SLC2A13: variants seen among roughly 807,000 people sequenced by gnomAD.
The protein encoded by SLC2A13 is solute carrier family 2 member 13.
SLC2A13 carries 32 observed loss-of-function variants against 64.4 expected under a neutral mutation model. The ratio of observed to expected loss-of-function variants is 0.50; its 90% CI spans 0.37 to 0.67. SLC2A13 has a LOEUF of 0.67. SLC2A13 is among the 30% of genes least tolerant of loss of function. The pLI, the probability that SLC2A13 is intolerant of heterozygous loss-of-function variation, is 0.00. For missense variants in SLC2A13, 743 were observed against 829.2 expected (o/e 0.90, Z 1.28); for synonymous variants, 338 against 327.1 (o/e 1.03, Z -0.36).
chr12:40,084,107 A>T (rs886745562), intron 1 of SLC2A13, among the ~76,000 whole-genome samples: 2 of 152,232 alleles, frequency 1.3e-5, no homozygotes, highest in Non-Finnish European at 2.9e-5. Context: ...TCTTTAACTG[A>T]TATATTTGAA....
At chr12:40,086,451 A>G (rs1332629133) in intron 1 of SLC2A13, among the ~76,000 whole-genome samples, 4 of 152,224 alleles carry the variant, frequency 2.6e-5, no homozygotes, top group African/African-American at 9.6e-5. Context: ...AGAAAAACAC[A>G]GCAGTAAATC....
chr12:39,847,552 G>T (rs1943351375), intron 6 of SLC2A13, among the ~76,000 whole-genome samples: 1 of 152,032 alleles, frequency 6.6e-6, no homozygotes, highest in South Asian at 2.1e-4. Flanking sequence ...TATGCTGGTA[G>T]AACTCCTGCA....
intron 8 of SLC2A13, 48 bp downstream of exon 8, chr12:39,764,689 A>C: frequency 6.3e-7 from 1 of 1,594,264 alleles, no homozygotes; most frequent in Non-Finnish European, 8.5e-7. Flanking sequence ...TCTACTCCAA[A>C]AAGAGGCAAT....
intron 7 of SLC2A13, among the ~76,000 whole-genome samples, chr12:39,775,358 G>T (rs1940738653): frequency 6.6e-6 from 1 of 152,210 alleles, no homozygotes; most frequent in Admixed American, 6.5e-5. Context: ...GGCAATAGGT[G>T]TATGCAAAAT....
chr12:40,029,183 A>T (rs1412588832), intron 2 of SLC2A13, among the ~76,000 whole-genome samples: 3 of 152,194 alleles, frequency 2.0e-5, no homozygotes, highest in African/African-American at 7.2e-5. Context: ...AAAATTCAAA[A>T]TAGCAAACAA....
chr12:40,045,201 A>C (rs1948152702), intron 2 of SLC2A13, among the ~76,000 whole-genome samples: 1 of 152,136 alleles, frequency 6.6e-6, no homozygotes, highest in South Asian at 2.1e-4. Context: ...CAGAAGCAAT[A>C]AAAGCCAAAA....
At chr12:39,812,377 CTTT>C (rs1335754892) in intron 7 of SLC2A13, among the ~76,000 whole-genome samples, 1 of 117,966 alleles carries the variant, frequency 8.5e-6, no homozygotes, top group Admixed American at 8.3e-5. Flanking sequence ...CTTTTCTTTT[CTTT>C]TCTTTCTTTC....
intron 1 of SLC2A13, among the ~76,000 whole-genome samples, chr12:40,069,295 T>C (rs74088192): frequency 0.017 from 2,544 of 152,224 alleles, 86 homozygotes; most frequent in African/African-American, 0.058. Flanking sequence ...AAAACATGTA[T>C]AGCTTAATGA....
At chr12:40,029,207 ACTCC>A (rs1947868958) in intron 2 of SLC2A13, among the ~76,000 whole-genome samples, 1 of 152,156 alleles carries the variant, frequency 6.6e-6, no homozygotes, top group African/African-American at 2.4e-5. Context: ...TATCATTTTA[ACTCC>A]CTCCAAGAAA....
At chr12:39,957,668 G>C (rs1018842151) in intron 3 of SLC2A13, among the ~76,000 whole-genome samples, 1 of 152,120 alleles carries the variant, frequency 6.6e-6, no homozygotes, top group Non-Finnish European at 1.5e-5. Context: ...AGCATGTCAG[G>C]TCCTGCGTGC....
chr12:39,839,516 C>T lies in SLC2A13; in HGVS notation c.1320-9288G>A, dbSNP rs563003447. 1.2e-4 allele frequency among the ~76,000 whole-genome samples: 18 copies of T among 152,116 alleles called. No homozygotes were observed. In the South Asian group the frequency reaches 2.9e-3, roughly 25 times the overall value. On this transcript the variant is annotated intron_variant, in intron 6 of 9. Coordinates refer to ENST00000280871, the MANE Select transcript of SLC2A13 (RefSeq NM_052885.4). ...GCTGGTGGTTGTCTCATGGGTAACT[C>T]GGAGCACTTTTCCAACATACTATTA...
rs1198648463 is a variant in SLC2A13, at chr12:39,980,484, C to T, written c.926-29119G>A. Among the ~76,000 whole-genome samples, 24 of 151,232 alleles carry T rather than the reference C, an allele frequency of 1.6e-4. 1 individual carries two copies. Among genetic ancestry groups the T allele is most frequent in the African/African-American group, 5.6e-4 (23 of 41,062 alleles). ...AAATAAAAGGATGGAGGAAGATCTA[C>T]CAAGCAAATGGAAAACAAAAAAAGG... On this transcript the variant is annotated intron_variant, in intron 3 of 9. Transcript: ENST00000280871.
At chr12:39,953,235 A>G (rs187701285) in intron 3 of SLC2A13, among the ~76,000 whole-genome samples, 13 of 152,190 alleles carry the variant, frequency 8.5e-5, no homozygotes, top group Non-Finnish European at 1.8e-4. Context: ...GAGATAAGCT[A>G]TTGCATAAAC....
intron 2 of SLC2A13, among the ~76,000 whole-genome samples, chr12:40,043,219 C>A (rs569564928): frequency 6.6e-6 from 1 of 152,176 alleles, no homozygotes; most frequent in East Asian, 1.9e-4. Context: ...AGTTCACTTA[C>A]TATATATTTA....
At chr12:39,784,451 C>A (rs1280394695) in intron 7 of SLC2A13, among the ~76,000 whole-genome samples, 9 of 152,124 alleles carry the variant, frequency 5.9e-5, no homozygotes, top group Admixed American at 3.9e-4. Flanking sequence ...CTTTGACAAA[C>A]CTGACGAAAG....
intron 7 of SLC2A13, among the ~76,000 whole-genome samples, chr12:39,816,865 G>T (rs1263545441): frequency 1.3e-5 from 2 of 152,062 alleles, no homozygotes; most frequent in Non-Finnish European, 2.9e-5. Flanking sequence ...AAGATTTTAA[G>T]AATTTGAAAG....
chr12:39,797,727 AAC>A (rs1555237479), intron 7 of SLC2A13, among the ~76,000 whole-genome samples: 1,480 of 84,036 alleles, frequency 0.018, 16 homozygotes, highest in African/African-American at 0.051. Context: ...AGTTATGGTA[AAC>A]ACACACACAC....
intron 7 of SLC2A13, among the ~76,000 whole-genome samples, chr12:39,812,337 T>TTTTTCTTTCTTTTCTTTTC (rs1942188532): frequency 1.5e-5 from 2 of 135,188 alleles, no homozygotes; most frequent in South Asian, 4.9e-4. Flanking sequence ...ACTAATTTCT[T>TTTTTCTTTCTTTTCTTTTC]TTTTCTTTTC....
intron 4 of SLC2A13, among the ~76,000 whole-genome samples, chr12:39,941,892 TGAGAGATGA>T (rs1946033887): frequency 6.6e-6 from 1 of 152,216 alleles, no homozygotes; most frequent in Non-Finnish European, 1.5e-5. Context: ...TTTCATAAGG[TGAGAGATGA>T]GGATCCAGTT....
Sources: gnomAD v4.1 joint callset for allele counts (sites outside exome capture counted in the v4.1 genomes callset) on GRCh38, gnomAD v4.1.1 for gene constraint, MANE v1.5 for transcripts, NCBI Gene and HGNC (gene_info 2026-07-23, HGNC 2026-07-21) for gene names.